Variants in TIMP2 observed in about 807,000 individuals in gnomAD.
TIMP2 encodes the protein metalloproteinase inhibitor 2.
A neutral mutation model predicts 24.3 loss-of-function variants in TIMP2; 5 were observed. The ratio of observed to expected loss-of-function variants is 0.21; its 90% CI spans 0.11 to 0.43. The LOEUF (loss-of-function observed/expected upper bound fraction) is 0.43, where lower values mean the gene tolerates loss of function less well. TIMP2 is among the 20% of genes least tolerant of loss of function. TIMP2 has a pLI of 1.00. For missense variants in TIMP2, 221 were observed against 297.5 expected (o/e 0.74, Z 1.89); for synonymous variants, 130 against 123.2 (o/e 1.06, Z -0.37).
intron 1 of TIMP2, chr17:78,899,656 G>A (rs1468293223): frequency 6.6e-6 from 1 of 152,238 alleles, no homozygotes; most frequent in Non-Finnish European, 1.5e-5. Context: ...ACACCAGACA[G>A]GGGTGGTAGA....
At position 78,891,877 on chromosome 17, in the gene TIMP2, G is replaced by A. The variant is rs1165879660; in HGVS notation, c.131-17958C>T. On this transcript the variant is annotated intron_variant, in intron 1 of 4. Coordinates refer to ENST00000262768, the MANE Select transcript of TIMP2 (RefSeq NM_003255.5). This position sits in a 1 kb window ranked among gnomAD's most constrained non-coding sequence, Gnocchi z 4.5. ...CCAGGTGAGAATTCATCCGACCCGTGGCTTTTGTAGTCTGTGGTTTCTCTG... is the reference window on the plus strand; with the variant it reads ...CCAGGTGAGAATTCATCCGACCCGTAGCTTTTGTAGTCTGTGGTTTCTCTG... 1.4e-5 allele frequency: 21 copies of A among 1,550,638 alleles called. No individual in the cohort carries two copies. The highest frequency in any genetic ancestry group is 1.7e-5 in the Non-Finnish European group (20 of 1,147,010).
At chr17:78,892,420 G>C in intron 1 of TIMP2, 1 of 1,550,028 alleles carries the variant, frequency 6.5e-7, no homozygotes, top group African/African-American at 1.4e-5. Flanking sequence ...GCGCCCCCGG[G>C]CCTGAGGAGC....
chr17:78,919,396 G>A (rs542522196), intron 1 of TIMP2, among the ~76,000 whole-genome samples: 2 of 152,340 alleles, frequency 1.3e-5, no homozygotes, highest in South Asian at 4.1e-4. Flanking sequence ...TCCTGGGGCA[G>A]TTGGTCCCTT....
At chr17:78,860,833 C>T (rs182791339) in intron 3 of TIMP2, among the ~76,000 whole-genome samples, 2 of 152,108 alleles carry the variant, frequency 1.3e-5, no homozygotes, top group African/African-American at 2.4e-5. Context: ...GTCAGGAGTT[C>T]GAGACCAACC....
chr17:78,897,010 G>A (rs1419282410), intron 1 of TIMP2: 8 of 985,180 alleles, frequency 8.1e-6, no homozygotes, highest in Admixed American at 6.2e-5. Context: ...CTGGGCGGCC[G>A]CTCAGACAGC....
At position 78,896,612 on chromosome 17, in the gene TIMP2, C is replaced by T. The variant is rs2070003811; in HGVS notation, c.131-22693G>A. On this transcript the variant is annotated intron_variant, in intron 1 of 4. Transcript: ENST00000262768. This position sits in a 1 kb window ranked among gnomAD's most constrained non-coding sequence, Gnocchi z 4.4. Reference sequence around the variant, plus strand: ...TGCTTTGGTGTTTTCTACTCCCCTGCTGCCCTCTGGTCCTGCCACCCCGAG... The same window carrying T: ...TGCTTTGGTGTTTTCTACTCCCCTGTTGCCCTCTGGTCCTGCCACCCCGAG... Among the ~76,000 whole-genome samples, 1 of 152,184 alleles carries T rather than the reference C, an allele frequency of 6.6e-6. No homozygotes were observed. Among genetic ancestry groups the T allele is most frequent in the Admixed American group, 6.5e-5 (1 of 15,276 alleles).
intron 1 of TIMP2, among the ~76,000 whole-genome samples, chr17:78,923,403 G>A (rs1208013983): frequency 2.2e-5 from 3 of 135,768 alleles, no homozygotes; most frequent in Admixed American, 7.1e-5. Context: ...GGGTGGGGGG[G>A]GGGGCGGGAG....
At position 78,891,548 on chromosome 17, in the gene TIMP2, C is replaced by T; in HGVS notation, c.131-17629G>A. ...AGATGCTGGGGACACGGCTTCCCTT[C>T]TGCAGCTGGAATCAGCTGGCCACAG... On this transcript the variant is annotated intron_variant, in intron 1 of 4. Coordinates refer to ENST00000262768, the MANE Select transcript of TIMP2 (RefSeq NM_003255.5). This position sits in a 1 kb window ranked among gnomAD's most constrained non-coding sequence, Gnocchi z 4.5. 6.4e-7 allele frequency: 1 copy of T among 1,551,018 alleles called. No individual in the cohort carries two copies. The highest frequency in any genetic ancestry group is 8.7e-7 in the Non-Finnish European group (1 of 1,147,098).
chr17:78,887,774 A>G (rs1223999046), intron 1 of TIMP2, among the ~76,000 whole-genome samples: 1 of 152,052 alleles, frequency 6.6e-6, no homozygotes, highest in East Asian at 1.9e-4. Context: ...AAAGAGCAAT[A>G]AACGGGATCT....
intron 1 of TIMP2, among the ~76,000 whole-genome samples, chr17:78,881,756 G>A (rs1009736974): frequency 6.6e-6 from 1 of 152,254 alleles, no homozygotes; most frequent in Admixed American, 6.5e-5. Context: ...ACTGGGAAAG[G>A]ACTGTGACGT....
intron 1 of TIMP2, among the ~76,000 whole-genome samples, chr17:78,878,792 C>T (rs917823968): frequency 3.7e-4 from 56 of 152,286 alleles, no homozygotes; most frequent in African/African-American, 1.1e-3. Context: ...ATCTCCATCT[C>T]CCCTGGGCTG....
Position 78,924,503 on chromosome 17 carries a change from G to A in TIMP2, c.130+456C>T, listed in dbSNP as rs2070333681. Among the ~76,000 whole-genome samples, 2 of 152,202 alleles carry A rather than the reference G, an allele frequency of 1.3e-5. No homozygotes were observed. The highest frequency in any genetic ancestry group is 1.3e-4 in the Admixed American group (2 of 15,284). On this transcript the variant is annotated intron_variant, in intron 1 of 4. Coordinates refer to ENST00000262768, the MANE Select transcript of TIMP2 (RefSeq NM_003255.5). This position sits in a 1 kb window ranked among gnomAD's most constrained non-coding sequence, Gnocchi z 5.3. The stretch of plus-strand genomic sequence containing the variant: ...AATGGGGCTGGTGGGAGAAGCCCCA[G>A]CAGAGAAGCCCTTCCCCACCCAGCC...
intron 1 of TIMP2, among the ~76,000 whole-genome samples, chr17:78,921,046 T>C (rs1026051275): frequency 3.9e-5 from 6 of 152,192 alleles, no homozygotes; most frequent in African/African-American, 1.2e-4. Flanking sequence ...ACAGTTTCTT[T>C]AAAAAGCGCC....
chr17:78,892,365 C>T (rs1467262279), intron 1 of TIMP2: 2 of 1,550,540 alleles, frequency 1.3e-6, no homozygotes, highest in East Asian at 2.4e-5. Context: ...GCAGATACAG[C>T]TTCCCAGGGA....
intron 1 of TIMP2, among the ~76,000 whole-genome samples, chr17:78,894,413 A>G (rs56876326): frequency 0.074 from 11,249 of 152,022 alleles, 1,305 homozygotes; most frequent in African/African-American, 0.25. Flanking sequence ...CACAATTAGA[A>G]TAGTGGTTAA....
At position 78,924,448 on chromosome 17, in the gene TIMP2, T is replaced by C. The variant is rs867409417; in HGVS notation, c.130+511A>G. Among the ~76,000 whole-genome samples, 16 of 152,228 alleles carry C rather than the reference T, an allele frequency of 1.1e-4. No homozygotes were observed. In the South Asian group the frequency reaches 2.9e-3, roughly 28 times the overall value. The stretch of plus-strand genomic sequence containing the variant: ...CTGCCTCGGGTAGGGCGGGCTTCCA[T>C]CCCACCCTGGCTTGATCGGGGAGCC... On this transcript the variant is annotated intron_variant, in intron 1 of 4. Transcript: ENST00000262768. This position sits in a 1 kb window ranked among gnomAD's most constrained non-coding sequence, Gnocchi z 5.3.
intron 1 of TIMP2, chr17:78,898,258 A>T (rs2070034261): frequency 6.6e-6 from 1 of 152,254 alleles, no homozygotes; most frequent in Admixed American, 6.5e-5. Context: ...TGACAGGGAA[A>T]TTGAGACTCA....
chr17:78,872,193 A>G (rs1276506961), intron 2 of TIMP2, among the ~76,000 whole-genome samples: 1 of 149,818 alleles, frequency 6.7e-6, no homozygotes, highest in East Asian at 2.0e-4. Context: ...GTCTCGCTCT[A>G]TTACCCAGGC....
At position 78,891,027 on chromosome 17, in the gene TIMP2, C is replaced by T; in HGVS notation, c.131-17108G>A. The T allele has an allele frequency of 1.3e-6, 2 of 1,551,196 alleles. No homozygotes were observed. The highest frequency in any genetic ancestry group is 1.7e-6 in the Non-Finnish European group (2 of 1,147,128). On this transcript the variant is annotated intron_variant, in intron 1 of 4. Transcript: ENST00000262768. The surrounding 1 kb of genome is among the most constrained non-coding windows in gnomAD (Gnocchi z 4.5). ...GATGCCGTCGAGCCCACTCTGTCTGCCTGGTCTTGAAGGTGGAGCTGAAGG... is the reference window on the plus strand; with the variant it reads ...GATGCCGTCGAGCCCACTCTGTCTGTCTGGTCTTGAAGGTGGAGCTGAAGG...
Sources: allele counts gnomAD v4.1 joint callset (sites outside exome capture counted in the v4.1 genomes callset), GRCh38; gene constraint gnomAD v4.1.1; non-coding constraint Gnocchi (gnomAD v3.1); transcripts MANE v1.5; gene names NCBI Gene and HGNC (gene_info 2026-07-23, HGNC 2026-07-21).